The following ANAPC4 variants were observed in gnomAD, a reference collection of about 807,000 sequenced individuals.
The protein encoded by ANAPC4 is anaphase promoting complex subunit 4.
In ANAPC4, 63 loss-of-function variants were observed where a neutral mutation model predicts 119.8. The ratio of observed to expected loss-of-function variants is 0.53; its 90% CI spans 0.43 to 0.65. ANAPC4 has a LOEUF of 0.65. Ranked by LOEUF, ANAPC4 falls within the 30% of genes least tolerant of loss-of-function variation. The pLI is 0.00. For synonymous variants in ANAPC4, 283 were observed against 318.6 expected, an observed-to-expected ratio of 0.89 and a Z score of 1.19; for missense variants, 716 against 945.1, an observed-to-expected ratio of 0.76 and a Z score of 3.18.
chr4:25,394,411 CT>C, intron 12 of ANAPC4, 37 bp downstream of exon 12: 2 of 1,504,462 alleles, frequency 1.3e-6, no homozygotes, highest in South Asian at 2.5e-5. Flanking sequence ...GTTTTTGCTT[CT>C]TTTTTAACAG....
intron 14 of ANAPC4, 92 bp downstream of exon 14, chr4:25,394,997 C>A: frequency 1.1e-6 from 1 of 950,998 alleles, no homozygotes; most frequent in South Asian, 1.6e-5. Flanking sequence ...CTGGCATTCT[C>A]TTTTTAAGCC....
chr4:25,383,629 G>A (rs1721872060), intron 4 of ANAPC4, among the ~76,000 whole-genome samples: 1 of 151,646 alleles, frequency 6.6e-6, no homozygotes, highest in South Asian at 2.1e-4. Flanking sequence ...GCAATAAAGT[G>A]AACATTGCAA....
chr4:25,390,082 G>A (rs1722258487), intron 7 of ANAPC4, 54 bp from the exon 8 acceptor site: 1 of 1,202,264 alleles, frequency 8.3e-7, no homozygotes, highest in African/African-American at 1.5e-5. Flanking sequence ...CTTTAACAAT[G>A]CAATCATCTG....
At chr4:25,398,650 A>T (rs575429116) in intron 16 of ANAPC4, among the ~76,000 whole-genome samples, 1 of 152,240 alleles carries the variant, frequency 6.6e-6, no homozygotes, top group Admixed American at 6.5e-5. Flanking sequence ...TGGAGAGGAT[A>T]TGATTTAGGC....
chr4:25,407,183 T>C lies in ANAPC4; in HGVS notation c.1375-14T>C. 1 of 1,589,506 alleles carries C rather than the reference T, an allele frequency of 6.3e-7. No homozygotes were observed. The highest frequency in any genetic ancestry group is 8.6e-7 in the Non-Finnish European group (1 of 1,169,440). On this transcript the variant is annotated splice_polypyrimidine_tract_variant and intron_variant, in intron 19 of 28. Coordinates refer to ENST00000315368, the MANE Select transcript of ANAPC4 (RefSeq NM_013367.3). ...AGTTGACTTAAGAATTAAACTATGT[T>C]TATTTTTTTCCAGGCTCCAGACCTT... is the stretch of plus-strand genomic sequence containing the variant.
intron 2 of ANAPC4, 79 bp from the exon 3 acceptor site, chr4:25,380,295 T>G: frequency 8.8e-7 from 1 of 1,138,442 alleles, no homozygotes; most frequent in Non-Finnish European, 1.2e-6. Flanking sequence ...TTTAAAAAAA[T>G]TTTTAGTAGG....
In ANAPC4 at chr4:25,395,951, C is replaced by A. The variant is rs541588335; in HGVS notation, c.1062-713C>A. ...TAATGCCTTCCGTTAGAATGGAGAC[C>A]TTTGTGTGGCCTTTAGCATACCTGC... On this transcript the variant is annotated intron_variant, in intron 14 of 28. Transcript: ENST00000315368. 3.3e-5 allele frequency among the ~76,000 whole-genome samples: 5 copies of A among 152,288 alleles called. No individual in the cohort carries two copies. The South Asian group carries it at 1.0e-3, about 32-fold the overall frequency.
chr4:25,391,953 A>G (rs1046393829), intron 9 of ANAPC4, among the ~76,000 whole-genome samples: 2 of 152,250 alleles, frequency 1.3e-5, no homozygotes, highest in Non-Finnish European at 1.5e-5. Context: ...ATTTTTAATG[A>G]CAAATTTATT....
At chr4:25,402,147 T>C (rs59904601) in intron 16 of ANAPC4, among the ~76,000 whole-genome samples, 7,726 of 152,240 alleles carry the variant, frequency 0.051, 231 homozygotes, top group African/African-American at 0.082. Context: ...TTTGATTATA[T>C]TGCTTAGTAA....
chr4:25,418,136 A>G lies in ANAPC4; in HGVS notation c.2200-19A>G. ...AAGCCATTAATTTAAAAATGCTTTT[A>G]TGGCCTTTTCTTTTTTAGTTAAGCT... is the stretch of plus-strand genomic sequence containing the variant. On this transcript the variant is annotated intron_variant, in intron 28 of 28. Transcript: ENST00000315368. The G allele has an allele frequency of 6.3e-7, 1 of 1,597,402 alleles. No homozygotes were observed. Among genetic ancestry groups the G allele is most frequent in the Non-Finnish European group, 8.5e-7 (1 of 1,170,470 alleles).
chr4:25,396,976 TTA>T, intron 16 of ANAPC4, 77 bp downstream of exon 16: 1 of 1,384,642 alleles, frequency 7.2e-7, no homozygotes, highest in South Asian at 1.3e-5. Flanking sequence ...TAGTAAGCTG[TTA>T]TGATTCTCTT....
chr4:25,388,539 T>C lies in ANAPC4; in HGVS notation c.408T>C (p.Asn136=). The C allele has an allele frequency of 1.9e-6, 3 of 1,605,552 alleles. No homozygotes were observed. The highest frequency in any genetic ancestry group is 2.6e-6 in the Non-Finnish European group (3 of 1,172,872). The change falls in exon 5 of 29, where the codon AAT becomes AAC. Residue 136 remains asparagine, a synonymous_variant. Transcript: ENST00000315368. ...TTTATAATGCTGAGGATGAATCAAA[T>C]CTTCTCTTACCTAAACTACCTACAC... ...TSFYNAEDES[N]LLLPKLPTLP... is the part of the protein sequence containing the mutation.
At chr4:25,406,281 G>T (rs1364665249) in intron 18 of ANAPC4, among the ~76,000 whole-genome samples, 4 of 152,218 alleles carry the variant, frequency 2.6e-5, no homozygotes, top group Non-Finnish European at 5.9e-5. Context: ...TGCAAACCAG[G>T]AAAGTTTCAC....
At chr4:25,412,193 G>C (rs1406325681) in intron 21 of ANAPC4, among the ~76,000 whole-genome samples, 1 of 152,154 alleles carries the variant, frequency 6.6e-6, no homozygotes, top group Non-Finnish European at 1.5e-5. Flanking sequence ...GCTATATCAG[G>C]CAGGGTATGG....
rs1201733909 is a variant in ANAPC4 at position 25,405,691 on chromosome 4, G to C, written c.1317+72G>C. The C allele has an allele frequency of 6.9e-7, 1 of 1,444,394 alleles. No individual in the cohort carries two copies. Among genetic ancestry groups the C allele is most frequent in the Non-Finnish European group, 9.7e-7 (1 of 1,032,496 alleles). 89.5% of individuals were successfully genotyped at this position (1,444,394 alleles called of 1,614,324 possible). A position where few individuals can be genotyped will look rare whatever the true frequency, so the allele number is the denominator to read the frequency against. On this transcript the variant is annotated intron_variant, in intron 18 of 28. Transcript: ENST00000315368. The surrounding 1 kb of genome is among the most constrained non-coding windows in gnomAD (Gnocchi z 4.6). ...GAACTCAGCTGTGCTGGTCATTTTG[G>C]TACTCTTATTCAGTTATTAGTTAAC... is the stretch of plus-strand genomic sequence containing the variant.
At chr4:25,414,791 A>T in intron 25 of ANAPC4, 91 bp downstream of exon 25, 1 of 1,210,770 alleles carries the variant, frequency 8.3e-7, no homozygotes, top group African/African-American at 1.5e-5. Context: ...TCAGATTTTA[A>T]ACTACTTTGT....
chr4:25,418,308 C>A lies in ANAPC4; in HGVS notation c.2353C>A (p.Gln785Lys), dbSNP rs146675413. ...VLSESEAENQ[Q>K]AGAAALAPEI... is the part of the protein sequence containing the mutation. ...GTCGGAGTCAGAGGCAGAGAACCAACAAGCTGGTGCTGCCGCTTTAGCTCC... is the reference window on the plus strand; with the variant it reads ...GTCGGAGTCAGAGGCAGAGAACCAAAAAGCTGGTGCTGCCGCTTTAGCTCC... Residue 785 changes from glutamine to lysine, a missense_variant, in exon 29 of 29, where the codon CAA becomes AAA. This residue lies in a region of ANAPC4 where 504 missense variants were observed against 615.8 expected (regional missense o/e 0.82). Coordinates refer to ENST00000315368, the MANE Select transcript of ANAPC4 (RefSeq NM_013367.3). 76 of 1,614,034 alleles carry A rather than the reference C, an allele frequency of 4.7e-5. No individual in the cohort carries two copies. The African/African-American group carries it at 7.1e-4, about 15-fold the overall frequency.
chr4:25,386,614 A>G (rs937759683), intron 4 of ANAPC4, among the ~76,000 whole-genome samples: 7 of 152,234 alleles, frequency 4.6e-5, no homozygotes, highest in African/African-American at 1.7e-4. Context: ...ATAATATAAT[A>G]ATGAAAAAAA....
chr4:25,394,209 T>G, intron 11 of ANAPC4, 101 bp from the exon 12 acceptor site: 2 of 969,022 alleles, frequency 2.1e-6, no homozygotes, highest in Non-Finnish European at 3.1e-6. Context: ...TTGATGGAAG[T>G]CTAAGGCAAG....
Sources: allele counts gnomAD v4.1 joint callset (sites outside exome capture counted in the v4.1 genomes callset), GRCh38; gene constraint gnomAD v4.1.1; regional missense constraint gnomAD v4.1.1; non-coding constraint Gnocchi (gnomAD v3.1); transcripts MANE v1.5; gene names NCBI Gene and HGNC (gene_info 2026-07-23, HGNC 2026-07-21).